The following ANKRD44 variants were observed in gnomAD, a reference collection of about 807,000 sequenced individuals.
ANKRD44 encodes the protein ankyrin repeat domain 44, also known as serine/threonine-protein phosphatase 6 regulatory ankyrin repeat subunit B.
ANKRD44 carries 35 observed loss-of-function variants against 116.0 expected under a neutral mutation model. The ratio of observed to expected loss-of-function variants is 0.30; its 90% confidence interval spans 0.23 to 0.40. The LOEUF is 0.40. ANKRD44 is among the 10% of genes least tolerant of loss of function. The probability of loss-of-function intolerance (pLI) is 1.00; values close to 1 mark genes in which losing one functional copy is unlikely to be tolerated. For missense variants in ANKRD44, 1,014 were observed against 1,242.6 expected, an observed-to-expected ratio of 0.82 and a Z score of 2.77; for synonymous variants, 435 against 461.8, an observed-to-expected ratio of 0.94 and a Z score of 0.74.
At chr2:197,114,911 T>G (rs1293206628) in intron 8 of ANKRD44, among the ~76,000 whole-genome samples, 2 of 152,234 alleles carry the variant, frequency 1.3e-5, no homozygotes, top group Non-Finnish European at 2.9e-5. Flanking sequence ...GCAAGAGAGA[T>G]GGAACGTGGT....
chr2:197,284,048 G>T (rs956788326), intron 1 of ANKRD44, among the ~76,000 whole-genome samples: 1 of 152,078 alleles, frequency 6.6e-6, no homozygotes, highest in African/African-American at 2.4e-5. Flanking sequence ...CTATGAATAG[G>T]GTGCTGACCT....
At chr2:197,098,745 A>G (rs1246929839) in intron 10 of ANKRD44, among the ~76,000 whole-genome samples, 1 of 152,234 alleles carries the variant, frequency 6.6e-6, no homozygotes, top group Non-Finnish European at 1.5e-5. Flanking sequence ...AAAGAGCTTT[A>G]CTAGTAATTA....
chr2:197,072,046 AGAAGGAAG>A (rs60306279), intron 16 of ANKRD44, among the ~76,000 whole-genome samples: 9,267 of 111,132 alleles, frequency 0.083, 419 homozygotes, highest in African/African-American at 0.13. Context: ...GAGGGAGGAA[AGAAGGAAG>A]GAAGGAAGGA....
intron 1 of ANKRD44, among the ~76,000 whole-genome samples, chr2:197,252,777 A>C (rs1206768982): frequency 6.6e-6 from 1 of 152,114 alleles, no homozygotes; most frequent in East Asian, 1.9e-4. Flanking sequence ...CATAAGACTA[A>C]TATTTATATT....
At chr2:196,975,613 G>GTT (rs34870683) in intron 21 of ANKRD44, among the ~76,000 whole-genome samples, 1 of 144,772 alleles carries the variant, frequency 6.9e-6, no homozygotes, top group Non-Finnish European at 1.5e-5. Context: ...GTGTCACACT[G>GTT]TTTTTTTTTT....
intron 1 of ANKRD44, among the ~76,000 whole-genome samples, chr2:197,274,630 G>A (rs1030663717): frequency 1.3e-5 from 2 of 152,148 alleles, no homozygotes; most frequent in African/African-American, 2.4e-5. Flanking sequence ...CCAGTCCTGC[G>A]TCCTTCCCTT....
chr2:197,242,661 G>A (rs2082113121), intron 1 of ANKRD44, among the ~76,000 whole-genome samples: 1 of 152,196 alleles, frequency 6.6e-6, no homozygotes, highest in South Asian at 2.1e-4. Context: ...ATGCTGGAAT[G>A]GTCCCCGTCT....
chr2:197,025,344 T>G lies in ANKRD44; in HGVS notation c.1651-77A>C, dbSNP rs2076571270. Reference sequence around the variant, plus strand: ...GTTGGTGTAAATGAGAAAAGAGGTTTCAGAAACTTGAGAAGTTATGCAATT... The same window carrying G: ...GTTGGTGTAAATGAGAAAAGAGGTTGCAGAAACTTGAGAAGTTATGCAATT... On this transcript the variant is annotated intron_variant, in intron 16 of 27. Transcript: ENST00000282272. The G allele has an allele frequency of 3.4e-6, 4 of 1,174,618 alleles. No homozygotes were observed. The Admixed American group carries it at 7.2e-5, about 21-fold the overall frequency. The allele number at this position is 1,174,618 out of a possible 1,614,324, so 72.8% of individuals were successfully genotyped here. A position where few individuals can be genotyped will look rare whatever the true frequency, so the allele number is the denominator to read the frequency against.
Position 197,049,950 on chromosome 2 carries a change from C to T in ANKRD44, c.1651-24683G>A, listed in dbSNP as rs2077074981. 2.0e-5 allele frequency among the ~76,000 whole-genome samples: 3 copies of T among 152,270 alleles called. No individual in the cohort carries two copies. In the South Asian group the frequency reaches 6.2e-4, roughly 32 times the overall value. ...CCCTTGGCCACTGTATTAGTCCATT[C>T]TCACACTGCTATCAAGAAATACCTA... On this transcript the variant is annotated intron_variant, in intron 16 of 27. Transcript: ENST00000282272.
chr2:197,239,324 C>T (rs1488734289), intron 1 of ANKRD44, among the ~76,000 whole-genome samples: 4 of 152,164 alleles, frequency 2.6e-5, no homozygotes, highest in East Asian at 1.9e-4. Flanking sequence ...CTTGGCCACC[C>T]GGGCTCAAGC....
In ANKRD44 at chr2:196,989,115, G is replaced by A; in HGVS notation, c.*476C>T. On this transcript the variant is annotated 3_prime_UTR_variant, in exon 28 of 28. Coordinates refer to ENST00000282272, the MANE Select transcript of ANKRD44 (RefSeq NM_001195144.2). ...GGCCCTTGGGCTTTTGGCTAGCCCA[G>A]GGTCAAGTGTTTTTTTTTTCACTTT... The A allele has an allele frequency of 3.0e-6, 3 of 985,396 alleles. No individual in the cohort carries two copies. Among genetic ancestry groups the A allele is most frequent in the Non-Finnish European group, 3.6e-6 (3 of 830,038 alleles). 61.0% of individuals were successfully genotyped at this position (985,396 alleles called of 1,614,324 possible).
chr2:197,110,390 T>C (rs1260585497), intron 9 of ANKRD44, among the ~76,000 whole-genome samples: 1 of 152,236 alleles, frequency 6.6e-6, no homozygotes. Flanking sequence ...CTTAGGAAAT[T>C]ATAGTGAACT....
intron 17 of ANKRD44, among the ~76,000 whole-genome samples, chr2:197,019,585 C>G (rs2076456498): frequency 6.6e-6 from 1 of 152,144 alleles, no homozygotes; most frequent in African/African-American, 2.4e-5. Context: ...AAAGGTGGAC[C>G]AGGCTGACTC....
chr2:197,233,346 C>T (rs952665358), intron 1 of ANKRD44, among the ~76,000 whole-genome samples: 1 of 152,112 alleles, frequency 6.6e-6, no homozygotes, highest in Middle Eastern at 3.2e-3. Context: ...GATCAATGTG[C>T]CTCTCAGATA....
intron 18 of ANKRD44, among the ~76,000 whole-genome samples, chr2:197,012,814 CT>C (rs975075266): frequency 6.6e-6 from 1 of 152,196 alleles, no homozygotes; most frequent in African/African-American, 2.4e-5. Flanking sequence ...ATCTACTACC[CT>C]AATCAAAGGC....
intron 2 of ANKRD44, among the ~76,000 whole-genome samples, chr2:197,166,033 A>G (rs924003859): frequency 2.0e-5 from 3 of 152,188 alleles, no homozygotes; most frequent in Non-Finnish European, 2.9e-5. Flanking sequence ...ATCCTGTTTT[A>G]ATCTATACCA....
intron 7 of ANKRD44, 52 bp downstream of exon 7, chr2:197,122,598 A>G: frequency 6.4e-7 from 1 of 1,572,724 alleles, no homozygotes; most frequent in Non-Finnish European, 8.6e-7. Flanking sequence ...TTAGAATAAC[A>G]GAAATCTTAC....
At chr2:197,273,257 G>A (rs1016202220) in intron 1 of ANKRD44, among the ~76,000 whole-genome samples, 1 of 152,134 alleles carries the variant, frequency 6.6e-6, no homozygotes, top group Non-Finnish European at 1.5e-5. Flanking sequence ...AAGAAGCCAT[G>A]GATTCTGATA....
chr2:197,126,930 A>G (rs1283869108), intron 4 of ANKRD44, among the ~76,000 whole-genome samples: 1 of 152,004 alleles, frequency 6.6e-6, no homozygotes. Context: ...CGTGATCACA[A>G]TGAGCTGTGA....
Sources: gnomAD v4.1 joint callset for allele counts (sites outside exome capture counted in the v4.1 genomes callset) on GRCh38, gnomAD v4.1.1 for gene constraint, MANE v1.5 for transcripts, NCBI Gene and HGNC (gene_info 2026-07-23, HGNC 2026-07-21) for gene names.